VPS26B: variants seen among roughly 807,000 people sequenced by gnomAD.
VPS26B encodes VPS26 retromer complex component B, also known as vacuolar protein sorting-associated protein 26B.
VPS26B carries 10 observed loss-of-function variants against 33.3 expected under a neutral mutation model. The ratio of observed to expected loss-of-function variants is 0.30; its 90% CI spans 0.19 to 0.51. The LOEUF (loss-of-function observed/expected upper bound fraction) is 0.51. Ranked by LOEUF, VPS26B falls within the 20% of genes least tolerant of loss-of-function variation. The probability of loss-of-function intolerance (pLI) is 0.98; values close to 1 mark genes in which losing one functional copy is unlikely to be tolerated. For synonymous variants in VPS26B, 190 were observed against 176.9 expected, an observed-to-expected ratio of 1.07 and a Z score of -0.59; for missense variants, 317 against 452.7, an observed-to-expected ratio of 0.70 and a Z score of 2.72.
At chr11:134,235,301 C>T (rs892260563) in intron 2 of VPS26B, 7 of 382,068 alleles carry the variant, frequency 1.8e-5, no homozygotes, top group Admixed American at 1.8e-4. Context: ...ACCTAATGTT[C>T]CTAAATGTAG....
At chr11:134,226,794 G>A (rs1697851547) in intron 1 of VPS26B, among the ~76,000 whole-genome samples, 1 of 152,190 alleles carries the variant, frequency 6.6e-6, no homozygotes, top group Non-Finnish European at 1.5e-5. Flanking sequence ...GAGAAACCCT[G>A]GGAAAAGGAG....
At chr11:134,233,570 A>C (rs1938588240) in intron 1 of VPS26B, among the ~76,000 whole-genome samples, 1 of 152,256 alleles carries the variant, frequency 6.6e-6, no homozygotes, top group Non-Finnish European at 1.5e-5. Flanking sequence ...AAAAATACAA[A>C]AACAATTAGC....
In VPS26B at chr11:134,245,413, G is replaced by T; in HGVS notation, c.865-31G>T. 1 of 1,613,310 alleles carries T rather than the reference G, an allele frequency of 6.2e-7. No homozygotes were observed. Among genetic ancestry groups the T allele is most frequent in the Non-Finnish European group, 8.5e-7 (1 of 1,179,356 alleles). ...ACCTGTCCCCATGCCTCCCTCTAAG[G>T]TGTCACATTGCCCCCCTTTCAATTC... On this transcript the variant is annotated intron_variant, in intron 5 of 5. Coordinates refer to ENST00000281187, the MANE Select transcript of VPS26B (RefSeq NM_052875.5). This position sits in a 1 kb window ranked among gnomAD's most constrained non-coding sequence, Gnocchi z 4.7.
chr11:134,224,685 G>A lies in VPS26B; in HGVS notation c.-438G>A, dbSNP rs964808740. The stretch of plus-strand genomic sequence containing the variant: ...CTCCCCCGCCCGGAGCCGCCGAAGC[G>A]CCTCGGTGCGTTGCACCGCCGGAGG... On this transcript the variant is annotated 5_prime_UTR_variant, in exon 1 of 6. Transcript: ENST00000281187. The A allele has an allele frequency of 1.3e-5, 2 of 152,022 alleles. No individual in the cohort carries two copies. The highest frequency in any genetic ancestry group is 4.8e-5 in the African/African-American group (2 of 41,382). 9.4% of individuals were successfully genotyped at this position (152,022 alleles called of 1,614,324 possible).
Position 134,231,568 on chromosome 11 carries a change from C to CT in VPS26B, c.224-3315dup, listed in dbSNP as rs1410570963. Among the ~76,000 whole-genome samples the CT allele has an allele frequency of 6.4e-3, 912 of 141,400 alleles. 9 individuals carry two copies. The highest frequency in any genetic ancestry group is 0.019 in the African/African-American group (727 of 38,612). The allele number at this position is 141,400 out of a possible 152,430, so 92.8% of individuals were successfully genotyped here. A position where few individuals can be genotyped will look rare whatever the true frequency, so the allele number is the denominator to read the frequency against. Reference sequence around the variant, plus strand: ...GATGAAGAGGAGGCTCTTTGGAGGGCTTTTTTTTTTTTTTGAGACGGAGTC... The same window carrying CT: ...GATGAAGAGGAGGCTCTTTGGAGGGCTTTTTTTTTTTTTTTGAGACGGAGTC... On this transcript the variant is annotated intron_variant, in intron 1 of 5. Coordinates refer to ENST00000281187, the MANE Select transcript of VPS26B (RefSeq NM_052875.5).
rs151320442 is a variant in VPS26B at position 134,243,233 on chromosome 11, C to T, written c.660C>T (p.Asn220=). 2.0e-5 allele frequency: 32 copies of T among 1,614,042 alleles called. No homozygotes were observed. The highest frequency in any genetic ancestry group is 5.3e-5 in the African/African-American group (4 of 74,906). The change falls in exon 4 of 6, where the codon AAC becomes AAT. Residue 220 remains asparagine (N), a synonymous_variant. Coordinates refer to ENST00000281187, the MANE Select transcript of VPS26B (RefSeq NM_052875.5). ...IKRETTGTGP[N]VYHENDTIAK... is the part of the protein sequence containing the mutation. Reference sequence around the variant, plus strand: ...GAGAAACGACGGGTACAGGCCCCAACGTGTACCATGAGAATGACACGATAG... The same window carrying T: ...GAGAAACGACGGGTACAGGCCCCAATGTGTACCATGAGAATGACACGATAG...
chr11:134,240,794 C>CGTGTGTGTGTGTGTGTGTGTCCGTGT lies in VPS26B; in HGVS notation c.545+659_545+660insCCGTGTGTGTGTGTGTGTGTGTGTGT, dbSNP rs1938709806. On this transcript the variant is annotated intron_variant, in intron 3 of 5. Coordinates refer to ENST00000281187, the MANE Select transcript of VPS26B (RefSeq NM_052875.5). This position sits in a 1 kb window ranked among gnomAD's most constrained non-coding sequence, Gnocchi z 4.4. ...GTGTCCGTGTGTGTGTGTGTGTGTCCGTGTGTGTGTGTGTGTGTGTGTGTG... is the reference window on the plus strand; with the variant it reads ...GTGTCCGTGTGTGTGTGTGTGTGTCCGTGTGTGTGTGTGTGTGTGTCCGTGTGTGTGTGTGTGTGTGTGTGTGTGTG... Among the ~76,000 whole-genome samples, 1 of 138,434 alleles carries CGTGTGTGTGTGTGTGTGTGTCCGTGT rather than the reference C, an allele frequency of 7.2e-6. No individual in the cohort carries two copies. The highest frequency in any genetic ancestry group is 1.5e-5 in the Non-Finnish European group (1 of 64,954). 90.8% of individuals were successfully genotyped at this position (138,434 alleles called of 152,430 possible). A position where few individuals can be genotyped will look rare whatever the true frequency, so the allele number is the denominator to read the frequency against.
chr11:134,224,966 C>T lies in VPS26B; in HGVS notation c.-157C>T. The T allele has an allele frequency of 2.1e-6, 1 of 471,940 alleles. No individual in the cohort carries two copies. The highest frequency in any genetic ancestry group is 3.2e-6 in the Non-Finnish European group (1 of 316,858). The allele number at this position is 471,940 out of a possible 1,614,324, so 29.2% of individuals were successfully genotyped here. ...CTCCCCCGTGGAGCCGGCTGTCCGTCGGCGCCCACTGCCCGGCGGCAGCGG... is the reference window on the plus strand; with the variant it reads ...CTCCCCCGTGGAGCCGGCTGTCCGTTGGCGCCCACTGCCCGGCGGCAGCGG... On this transcript the variant is annotated 5_prime_UTR_variant, in exon 1 of 6. Coordinates refer to ENST00000281187, the MANE Select transcript of VPS26B (RefSeq NM_052875.5).
At chr11:134,232,913 C>T (rs930972121) in intron 1 of VPS26B, among the ~76,000 whole-genome samples, 3 of 152,172 alleles carry the variant, frequency 2.0e-5, no homozygotes, top group Non-Finnish European at 2.9e-5. Context: ...CGAGGAGTCC[C>T]TGTCCCCGGG....
chr11:134,243,433 C>G, intron 4 of VPS26B, 139 bp downstream of exon 4: 1 of 1,044,140 alleles, frequency 9.6e-7, no homozygotes, highest in Non-Finnish European at 1.4e-6. Context: ...TCAGTTTACA[C>G]CGTGGGTGGC....
rs753047321 is a variant in VPS26B, at chr11:134,240,557, G to A, written c.545+402G>A. Among the ~76,000 whole-genome samples, 13 of 152,078 alleles carry A rather than the reference G, an allele frequency of 8.5e-5. No individual in the cohort carries two copies. The highest frequency in any genetic ancestry group is 1.6e-4 in the Non-Finnish European group (11 of 68,026). On this transcript the variant is annotated intron_variant, in intron 3 of 5. Transcript: ENST00000281187. This position sits in a 1 kb window ranked among gnomAD's most constrained non-coding sequence, Gnocchi z 4.4. Reference sequence around the variant, plus strand: ...CATCTGTGTCTTCAGAAATCAAAGCGACGAAACCAAATATTGGCCATGATT... The same window carrying A: ...CATCTGTGTCTTCAGAAATCAAAGCAACGAAACCAAATATTGGCCATGATT...
chr11:134,225,402 G>A, intron 1 of VPS26B, 57 bp downstream of exon 1: 1 of 1,560,362 alleles, frequency 6.4e-7, no homozygotes, highest in Non-Finnish European at 8.8e-7. Context: ...GGGGAGCAGG[G>A]TGATTCAGGG....
At chr11:134,243,051 G>A (rs1389966194) in intron 3 of VPS26B, 68 bp from the exon 4 acceptor site, 8 of 1,538,814 alleles carry the variant, frequency 5.2e-6, no homozygotes, top group East Asian at 2.3e-5. Flanking sequence ...TGGCGTGTGC[G>A]CTCTACTGAA....
In VPS26B at chr11:134,244,659, A is replaced by G. The variant is rs1938783045; in HGVS notation, c.722-279A>G. The G allele has an allele frequency of 3.0e-6, 1 of 335,358 alleles. No homozygotes were observed. The highest frequency in any genetic ancestry group is 2.1e-5 in the African/African-American group (1 of 46,944). The allele number at this position is 335,358 out of a possible 1,614,324, so 20.8% of individuals were successfully genotyped here. On this transcript the variant is annotated intron_variant, in intron 4 of 5. Transcript: ENST00000281187. The surrounding 1 kb of genome is among the most constrained non-coding windows in gnomAD (Gnocchi z 4.0). Reference sequence around the variant, plus strand: ...AAAACTAAACACACTGCATGTAATCAAAAGATGCTTATACTAATAATGACC... The same window carrying G: ...AAAACTAAACACACTGCATGTAATCGAAAGATGCTTATACTAATAATGACC...
At position 134,243,267 on chromosome 11, in the gene VPS26B, G is replaced by A. The variant is rs766206737; in HGVS notation, c.694G>A (p.Glu232Lys). ...TGAGAATGACACGATAGCCAAGTAC[G>A]AGATCATGGACGGGGCACCAGTGCG... ...YHENDTIAKY[E>K]IMDGAPVRGE... Residue 232 changes from glutamate to lysine, a missense_variant, in exon 4 of 6, where the codon GAG becomes AAG. By Grantham distance (56) the Glu-to-Lys change is moderately conservative. Coordinates refer to ENST00000281187, the MANE Select transcript of VPS26B (RefSeq NM_052875.5). 1.9e-6 allele frequency: 3 copies of A among 1,614,094 alleles called. No homozygotes were observed. The highest frequency in any genetic ancestry group is 1.1e-5 in the South Asian group (1 of 91,080).
At chr11:134,238,967 A>G (rs1938677928) in intron 2 of VPS26B, among the ~76,000 whole-genome samples, 1 of 152,224 alleles carries the variant, frequency 6.6e-6, no homozygotes, top group Non-Finnish European at 1.5e-5. Flanking sequence ...AAAAGAAAAT[A>G]CAATTTATTA....
In VPS26B at chr11:134,225,147, A is replaced by G; in HGVS notation, c.25A>G (p.Ser9Gly). 1 of 1,611,868 alleles carries G rather than the reference A, an allele frequency of 6.2e-7. No homozygotes were observed. Among genetic ancestry groups the G allele is most frequent in the Admixed American group, 1.7e-5 (1 of 59,794 alleles). Residue 9 changes from serine (S) to glycine (G), a missense_variant, in exon 1 of 6, where the codon AGC becomes GGC. Coordinates refer to ENST00000281187, the MANE Select transcript of VPS26B (RefSeq NM_052875.5). Reference sequence around the variant, plus strand: ...GATGAGCTTCTTCGGCTTCGGGCAGAGCGTGGAGGTGGAAATCCTTCTGAA... The same window carrying G: ...GATGAGCTTCTTCGGCTTCGGGCAGGGCGTGGAGGTGGAAATCCTTCTGAA... MSFFGFGQ[S>G]VEVEILLNDA...
At position 134,231,701 on chromosome 11, in the gene VPS26B, A is replaced by G. The variant is rs546359949; in HGVS notation, c.224-3196A>G. Among the ~76,000 whole-genome samples, 3 of 152,070 alleles carry G rather than the reference A, an allele frequency of 2.0e-5. No homozygotes were observed. The South Asian group carries it at 6.2e-4, about 32-fold the overall frequency. On this transcript the variant is annotated intron_variant, in intron 1 of 5. Coordinates refer to ENST00000281187, the MANE Select transcript of VPS26B (RefSeq NM_052875.5). ...TGCCTCAGCCTCCCGAGTAGCTGGGATTACAGATGCCCACCACCTCGTCTG... is the reference window on the plus strand; with the variant it reads ...TGCCTCAGCCTCCCGAGTAGCTGGGGTTACAGATGCCCACCACCTCGTCTG...
At position 134,245,553 on chromosome 11, in the gene VPS26B, C is replaced by T. The variant is rs1396919780; in HGVS notation, c.974C>T (p.Thr325Ile). 3.1e-6 allele frequency: 5 copies of T among 1,612,946 alleles called. No individual in the cohort carries two copies. The East Asian group carries it at 6.7e-5, about 22-fold the overall frequency. The change falls in exon 6 of 6, where the codon ACC becomes ATC. Residue 325 changes from threonine (T) to isoleucine (I), a missense_variant. By Grantham distance (89) the Thr-to-Ile change is moderately conservative. Coordinates refer to ENST00000281187, the MANE Select transcript of VPS26B (RefSeq NM_052875.5). This position sits in a 1 kb window ranked among gnomAD's most constrained non-coding sequence, Gnocchi z 4.7. ...EGTTSLGEVRTPSQLSDNNCR... is the reference protein window; with the variant it reads ...EGTTSLGEVRIPSQLSDNNCR... ...ACCACCTCCCTGGGTGAGGTGCGGA[C>T]CCCCAGCCAGCTGTCTGACAACAAC...
Sources: allele counts gnomAD v4.1 joint callset (sites outside exome capture counted in the v4.1 genomes callset), GRCh38; gene constraint gnomAD v4.1.1; non-coding constraint Gnocchi (gnomAD v3.1); transcripts MANE v1.5; gene names NCBI Gene and HGNC (gene_info 2026-07-23, HGNC 2026-07-21).